TRPC5: variants seen among roughly 807,000 people sequenced by gnomAD.
The protein encoded by TRPC5 is transient receptor potential cation channel subfamily C member 5.
Under a neutral mutation model 56.5 loss-of-function variants are expected in TRPC5, and 9 were observed. That is an observed-to-expected ratio of 0.16 (90% CI 0.10 to 0.28). The LOEUF is 0.28. Among genes scored for constraint, TRPC5 ranks in the 10% least tolerant of loss-of-function variants. TRPC5 has a pLI of 1.00. For synonymous variants in TRPC5, 282 were observed against 278.5 expected (o/e 1.01, Z -0.13); for missense variants, 469 against 748.9 (o/e 0.63, Z 4.36).
At chrX:112,015,609 G>T (rs1284862714) in intron 1 of TRPC5, among the ~76,000 whole-genome samples, 1 of 111,317 alleles carries the variant, frequency 9.0e-6, no homozygotes, top group African/African-American at 3.3e-5. Context: ...GGCACAATTC[G>T]CGTCATCCGG....
chrX:112,011,731 C>G lies in TRPC5; in HGVS notation c.-21-59290G>C, dbSNP rs151158564. On this transcript the variant is annotated intron_variant, in intron 1 of 10. Coordinates refer to ENST00000262839, the MANE Select transcript of TRPC5 (RefSeq NM_012471.3). Reference sequence around the variant, plus strand: ...CAAAATAGTGGTGAGTCCGTTCATTCACTAAGCCAAAATAGAGCATTTGCT... The same window carrying G: ...CAAAATAGTGGTGAGTCCGTTCATTGACTAAGCCAAAATAGAGCATTTGCT... Among the ~76,000 whole-genome samples, 606 of 111,189 alleles carry G rather than the reference C, an allele frequency of 5.5e-3. 9 individuals carry two copies. The highest frequency in any genetic ancestry group is 0.018 in the African/African-American group (549 of 30,588).
intron 2 of TRPC5, among the ~76,000 whole-genome samples, chrX:111,930,155 T>C (rs1306117655): frequency 9.0e-6 from 1 of 111,308 alleles, no homozygotes; most frequent in Non-Finnish European, 1.9e-5. Flanking sequence ...CTTTATTAAG[T>C]ATGCTTTCCT....
chrX:112,075,288 GT>G (rs1391509023), intron 1 of TRPC5, among the ~76,000 whole-genome samples: 1 of 112,200 alleles, frequency 8.9e-6, no homozygotes. Context: ...AGAGTGACCT[GT>G]GTTCCAACCC....
At chrX:111,979,551 G>A (rs1170898043) in intron 1 of TRPC5, among the ~76,000 whole-genome samples, 1 of 111,143 alleles carries the variant, frequency 9.0e-6, no homozygotes, top group African/African-American at 3.3e-5. Context: ...TACAGACTGG[G>A]AAAATATATG....
intron 3 of TRPC5, among the ~76,000 whole-genome samples, chrX:111,882,477 T>A (rs1924272046): frequency 8.9e-6 from 1 of 112,631 alleles, no homozygotes; most frequent in African/African-American, 3.2e-5. Context: ...GAGGTGATCC[T>A]TACGAAAGAG....
At chrX:111,882,811 C>A (rs575271568) in intron 3 of TRPC5, among the ~76,000 whole-genome samples, 1 of 112,190 alleles carries the variant, frequency 8.9e-6, no homozygotes, top group African/African-American at 3.2e-5. Context: ...GCCGGCTGGG[C>A]GCTGTGGCTC....
intron 9 of TRPC5, among the ~76,000 whole-genome samples, chrX:111,780,402 G>C (rs1412225316): frequency 9.1e-6 from 1 of 110,075 alleles, no homozygotes; most frequent in African/African-American, 3.3e-5. Context: ...TTACTTCATT[G>C]AGGTTAGTTT....
chrX:111,825,152 T>G (rs1922161586), intron 7 of TRPC5, among the ~76,000 whole-genome samples: 3 of 23,795 alleles, frequency 1.3e-4, no homozygotes, highest in Middle Eastern at 0.018. Context: ...CCTTCCTTTC[T>G]TTCTTTCTTT....
intron 1 of TRPC5, among the ~76,000 whole-genome samples, chrX:112,005,785 G>C (rs1440672458): frequency 8.9e-6 from 1 of 111,794 alleles, no homozygotes; most frequent in Non-Finnish European, 1.9e-5. Context: ...ACTACTTTGT[G>C]AATTACTTCA....
At chrX:111,904,683 A>G (rs905797247) in intron 3 of TRPC5, among the ~76,000 whole-genome samples, 1 of 111,170 alleles carries the variant, frequency 9.0e-6, no homozygotes, top group African/African-American at 3.3e-5. Flanking sequence ...CAGCTAATGG[A>G]TGCTGGACTT....
At chrX:112,078,264 A>T (rs1431583421) in intron 1 of TRPC5, among the ~76,000 whole-genome samples, 1 of 112,077 alleles carries the variant, frequency 8.9e-6, no homozygotes, top group African/African-American at 3.2e-5. Flanking sequence ...GGTAAGTCAC[A>T]AAGATATGAC....
rs147924573 is a variant in TRPC5, at chrX:112,036,135, G to A, written c.-22+45744C>T. Among the ~76,000 whole-genome samples, 1,096 of 110,891 alleles carry A rather than the reference G, an allele frequency of 9.9e-3. 11 individuals are homozygous for A. Among genetic ancestry groups the A allele is most frequent in the African/African-American group, 0.034 (1,039 of 30,509 alleles). On this transcript the variant is annotated intron_variant, in intron 1 of 10. Transcript: ENST00000262839. ...CTTTTCTGAACATGTGTCCTACTCT[G>A]GGGATATGCATAACTTTTTAATTCC...
chrX:111,824,801 T>G (rs1922138801), intron 7 of TRPC5, among the ~76,000 whole-genome samples: 1 of 112,125 alleles, frequency 8.9e-6, no homozygotes, highest in Non-Finnish European at 1.9e-5. Context: ...CTTCACTGCC[T>G]GTTGAAAAGA....
intron 2 of TRPC5, among the ~76,000 whole-genome samples, chrX:111,948,880 T>G (rs1022306563): frequency 2.7e-5 from 3 of 111,634 alleles, no homozygotes; most frequent in African/African-American, 9.8e-5. Flanking sequence ...CTTATCTGAG[T>G]AAAGAAGCTT....
chrX:112,034,833 G>T (rs1929687328), intron 1 of TRPC5, among the ~76,000 whole-genome samples: 1 of 106,191 alleles, frequency 9.4e-6, no homozygotes, highest in Non-Finnish European at 1.9e-5. Flanking sequence ...TTTCACTTCT[G>T]ATTTTTTCAT....
At position 111,776,883 on chromosome X, in the gene TRPC5, A is replaced by T. The variant is rs1945883169; in HGVS notation, c.2352T>A (p.Asn784Lys). 1 of 1,209,789 alleles carries T rather than the reference A, an allele frequency of 8.3e-7. No individual in the cohort carries two copies. Among genetic ancestry groups the T allele is most frequent in the Non-Finnish European group, 1.1e-6 (1 of 895,164 alleles). Residue 784 changes from asparagine (N) to lysine (K), a missense_variant, in exon 11 of 11, where the codon AAT becomes AAA. Physicochemically the swap from Asn to Lys is moderately conservative, Grantham distance 94 (BLOSUM62 0). Coordinates refer to ENST00000262839, the MANE Select transcript of TRPC5 (RefSeq NM_012471.3). ...TGGCCCGAGCCCCACCACTGCCATC[A>T]TTATTATCGTCTCTCTGAGACAGTT... Reference protein sequence around the residue: ...STELSQRDDNNDGSGGARAKS... With the variant: ...STELSQRDDNKDGSGGARAKS...
At chrX:112,059,562 T>C (rs749699073) in intron 1 of TRPC5, among the ~76,000 whole-genome samples, 2 of 112,061 alleles carry the variant, frequency 1.8e-5, no homozygotes, top group South Asian at 7.5e-4. Context: ...CCCTGGAGTT[T>C]AAGGGATGGA....
At chrX:111,948,765 C>T (rs1281354936) in intron 2 of TRPC5, among the ~76,000 whole-genome samples, 2 of 109,748 alleles carry the variant, frequency 1.8e-5, no homozygotes, top group Non-Finnish European at 3.8e-5. Context: ...GTGGAAAGGT[C>T]TCAAAAATAA....
intron 2 of TRPC5, among the ~76,000 whole-genome samples, chrX:111,922,135 C>A (rs949597566): frequency 7.1e-5 from 8 of 112,305 alleles, no homozygotes; most frequent in Admixed American, 4.7e-4. Flanking sequence ...TTTCCATTAA[C>A]CTCATCACTG....
Sources: allele counts gnomAD v4.1 joint callset (sites outside exome capture counted in the v4.1 genomes callset), GRCh38; gene constraint gnomAD v4.1.1; transcripts MANE v1.5; gene names NCBI Gene and HGNC (gene_info 2026-07-23, HGNC 2026-07-21).